ACVR1B: variants seen among roughly 807,000 people sequenced by gnomAD.
ACVR1B encodes the protein activin A receptor type 1B, also known as activin receptor type-1B.
In ACVR1B, 15 loss-of-function variants were observed where a neutral mutation model predicts 55.6. The observed-to-expected ratio is 0.27, with a 90% confidence interval of 0.18 to 0.42. The LOEUF is 0.42. ACVR1B is among the 10% of genes least tolerant of loss of function. The pLI is 1.00. For synonymous variants in ACVR1B, 247 were observed against 254.6 expected (o/e 0.97, Z 0.28); for missense variants, 359 against 670.1 (o/e 0.54, Z 5.13).
chr12:51,973,333 T>C (rs1941783446), intron 1 of ACVR1B, among the ~76,000 whole-genome samples: 1 of 152,204 alleles, frequency 6.6e-6, no homozygotes, highest in Non-Finnish European at 1.5e-5. Flanking sequence ...CCAATGTTGT[T>C]CTCTTTGCTG....
intron 4 of ACVR1B, among the ~76,000 whole-genome samples, chr12:51,983,096 G>A (rs570925702): frequency 2.6e-5 from 4 of 152,264 alleles, no homozygotes; most frequent in Admixed American, 6.5e-5. Flanking sequence ...GAAACAATCA[G>A]ACTCCCTCGT....
intron 4 of ACVR1B, 68 bp from the exon 5 acceptor site, chr12:51,983,931 C>A: frequency 6.4e-7 from 1 of 1,557,246 alleles, no homozygotes; most frequent in Non-Finnish European, 8.8e-7. Context: ...ATACACTCAT[C>A]CTTACCAACC....
intron 4 of ACVR1B, chr12:51,982,727 G>T: frequency 6.5e-7 from 1 of 1,534,150 alleles, no homozygotes; most frequent in African/African-American, 1.4e-5. Context: ...AGTTGTAATG[G>T]TCTCTGCTGC....
At chr12:51,955,505 G>A (rs937995395) in intron 1 of ACVR1B, among the ~76,000 whole-genome samples, 2 of 152,250 alleles carry the variant, frequency 1.3e-5, no homozygotes, top group Non-Finnish European at 2.9e-5. Flanking sequence ...GGAGCACAGG[G>A]TGTTGAGGTG....
At chr12:51,957,271 C>A (rs1168916847) in intron 1 of ACVR1B, among the ~76,000 whole-genome samples, 1 of 151,496 alleles carries the variant, frequency 6.6e-6, no homozygotes. Context: ...CATGCTGAAA[C>A]CCCGTCTCTA....
chr12:51,977,539 C>T (rs976211914), intron 3 of ACVR1B, among the ~76,000 whole-genome samples: 5 of 151,618 alleles, frequency 3.3e-5, no homozygotes, highest in African/African-American at 9.7e-5. Context: ...TCAAGTGATC[C>T]GCCTGCCTCG....
In ACVR1B at chr12:51,982,558, T is replaced by G. The variant is rs983513121; in HGVS notation, c.811+1359T>G. On this transcript the variant is annotated intron_variant, in intron 4 of 8. Transcript: ENST00000257963. ...CAGAGAGGATGCTGTGAGTGGCTGG[T>G]TCACATTGTGGAAGGGTCTCTCTAG... 21 of 1,072,704 alleles carry G rather than the reference T, an allele frequency of 2.0e-5. No homozygotes were observed. In the Middle Eastern group the frequency reaches 1.3e-3, roughly 69 times the overall value. 66.4% of individuals were successfully genotyped at this position (1,072,704 alleles called of 1,614,324 possible). A position where few individuals can be genotyped will look rare whatever the true frequency, so the allele number is the denominator to read the frequency against.
At chr12:51,993,399 A>G (rs1942231788) in intron 8 of ACVR1B, among the ~76,000 whole-genome samples, 1 of 152,174 alleles carries the variant, frequency 6.6e-6, no homozygotes, top group Non-Finnish European at 1.5e-5. Flanking sequence ...TTTGCTTCAG[A>G]GGGCAGGTGA....
At position 51,997,051 on chromosome 12, in the gene ACVR1B, G is replaced by T. The variant is rs1019426172; in HGVS notation, c.*2941G>T. ...AGAATGAGCCTGTCCAATTTCTGCT[G>T]TACATTATTAAAAGTTTTATTCACA... On this transcript the variant is annotated 3_prime_UTR_variant, in exon 9 of 9. Transcript: ENST00000257963. 1.3e-5 allele frequency: 2 copies of T among 152,598 alleles called. No individual in the cohort carries two copies. Among genetic ancestry groups the T allele is most frequent in the African/African-American group, 4.8e-5 (2 of 41,432 alleles). 9.5% of individuals were successfully genotyped at this position (152,598 alleles called of 1,614,324 possible). A position where few individuals can be genotyped will look rare whatever the true frequency, so the allele number is the denominator to read the frequency against.
intron 1 of ACVR1B, among the ~76,000 whole-genome samples, chr12:51,967,675 A>G (rs1454797625): frequency 6.6e-6 from 1 of 152,228 alleles, no homozygotes; most frequent in Non-Finnish European, 1.5e-5. Context: ...CTGTATAGGC[A>G]CTTGGCTAAG....
At chr12:51,974,533 ACT>A (rs1240695768) in intron 1 of ACVR1B, among the ~76,000 whole-genome samples, 3 of 152,000 alleles carry the variant, frequency 2.0e-5, no homozygotes, top group African/African-American at 7.3e-5. Flanking sequence ...GCGCGCGCAC[ACT>A]CATGCGTGAA....
At chr12:51,990,217 C>T (rs1199321815) in intron 7 of ACVR1B, among the ~76,000 whole-genome samples, 15 of 150,570 alleles carry the variant, frequency 1.0e-4, no homozygotes, top group South Asian at 8.4e-4. Context: ...CGCTTGTACC[C>T]GGCAGGTGGA....
At chr12:51,967,667 G>A (rs541279324) in intron 1 of ACVR1B, among the ~76,000 whole-genome samples, 33 of 152,350 alleles carry the variant, frequency 2.2e-4, no homozygotes, top group African/African-American at 7.7e-4. Context: ...ACACTTAGCT[G>A]TATAGGCACT....
chr12:51,975,566 AT>A, intron 2 of ACVR1B, 62 bp downstream of exon 2: 5 of 1,566,034 alleles, frequency 3.2e-6, no homozygotes, highest in Non-Finnish European at 4.3e-6. Flanking sequence ...CCGTCATTTC[AT>A]TTTTTTCTAC....
rs545475108 is a variant in ACVR1B, at chr12:51,996,261, C to T, written c.*2151C>T. Reference sequence around the variant, plus strand: ...CAGGGGAGGTGTATTGTGTATGTAGCCTTAGAGCATCTCTGCCTCCAACCC... The same window carrying T: ...CAGGGGAGGTGTATTGTGTATGTAGTCTTAGAGCATCTCTGCCTCCAACCC... On this transcript the variant is annotated 3_prime_UTR_variant, in exon 9 of 9. Coordinates refer to ENST00000257963, the MANE Select transcript of ACVR1B (RefSeq NM_004302.5). 6.6e-6 allele frequency: 1 copy of T among 152,604 alleles called. No individual in the cohort carries two copies. Among genetic ancestry groups the T allele is most frequent in the Non-Finnish European group, 1.5e-5 (1 of 68,078 alleles). The allele number at this position is 152,604 out of a possible 1,614,324, so 9.5% of individuals were successfully genotyped here.
chr12:51,973,568 G>A (rs1240885227), intron 1 of ACVR1B, among the ~76,000 whole-genome samples: 2 of 152,200 alleles, frequency 1.3e-5, no homozygotes, highest in African/African-American at 2.4e-5. Flanking sequence ...GGAAAATGAA[G>A]CGATTCCTTA....
At chr12:51,959,699 T>C (rs1337094280) in intron 1 of ACVR1B, among the ~76,000 whole-genome samples, 1 of 152,156 alleles carries the variant, frequency 6.6e-6, no homozygotes, top group African/African-American at 2.4e-5. Context: ...TACCCCAAGA[T>C]AGGCATGAGG....
At chr12:51,986,220 C>G (rs1279280106) in intron 6 of ACVR1B, among the ~76,000 whole-genome samples, 1 of 152,150 alleles carries the variant, frequency 6.6e-6, no homozygotes. Flanking sequence ...GTACTTCTGC[C>G]AAGAAGTCAA....
rs559108813 is a variant in ACVR1B at position 51,959,344 on chromosome 12, A to G, written c.91+7510A>G. On this transcript the variant is annotated intron_variant, in intron 1 of 8. Coordinates refer to ENST00000257963, the MANE Select transcript of ACVR1B (RefSeq NM_004302.5). The stretch of plus-strand genomic sequence containing the variant: ...CTGGCTTGGAAGCAAGCAGACGTCC[A>G]TGTTGTGAACTGCCGATCCCAACAG... Among the ~76,000 whole-genome samples the G allele has an allele frequency of 2.0e-5, 3 of 152,378 alleles. No individual in the cohort carries two copies. In the South Asian group the frequency reaches 6.2e-4, roughly 32 times the overall value.
Sources: allele counts gnomAD v4.1 joint callset (sites outside exome capture counted in the v4.1 genomes callset), GRCh38; gene constraint gnomAD v4.1.1; transcripts MANE v1.5; gene names NCBI Gene and HGNC (gene_info 2026-07-23, HGNC 2026-07-21).